The following ZBTB39 variants were observed in gnomAD, a reference collection of about 807,000 sequenced individuals.
ZBTB39 encodes the protein zinc finger and BTB domain containing 39, also known as zinc finger and BTB domain-containing protein 39.
In ZBTB39, 25 loss-of-function variants were observed where a neutral mutation model predicts 39.4. The observed-to-expected ratio is 0.63, with a 90% CI of 0.46 to 0.89. The LOEUF is 0.89. ZBTB39 is among the 40% of genes least tolerant of loss of function. ZBTB39 has a pLI of 0.00. For synonymous variants in ZBTB39, 373 were observed against 359.6 expected (o/e 1.04, Z -0.42); for missense variants, 891 against 909.7 (o/e 0.98, Z 0.26).
chr12:57,006,181 C>T (rs930015545), intron 1 of ZBTB39, among the ~76,000 whole-genome samples: 5 of 151,988 alleles, frequency 3.3e-5, no homozygotes, highest in African/African-American at 1.2e-4. Flanking sequence ...GCCTCAGTCC[C>T]TCCACAAACA....
Position 56,998,956 on chromosome 12 carries a change from A to G in ZBTB39, c.*3823T>C, listed in dbSNP as rs1283678098. On this transcript the variant is annotated 3_prime_UTR_variant, in exon 2 of 2. Coordinates refer to ENST00000300101, the MANE Select transcript of ZBTB39 (RefSeq NM_014830.3). The stretch of plus-strand genomic sequence containing the variant: ...CTATTTGGGGAAAAAAGTTTACAAA[A>G]TATACAAAACTTTACAGCAATAGAT... 1 of 152,658 alleles carries G rather than the reference A, an allele frequency of 6.6e-6. No homozygotes were observed. Among genetic ancestry groups the G allele is most frequent in the Non-Finnish European group, 1.5e-5 (1 of 68,032 alleles). 9.5% of individuals were successfully genotyped at this position (152,658 alleles called of 1,614,324 possible).
At position 57,004,792 on chromosome 12, in the gene ZBTB39, C is replaced by T. The variant is rs144703175; in HGVS notation, c.126G>A (p.Pro42=). ...CACAGGCCAGCACAGCCTTGTGGGC[C>T]GGGAAGGAGCGGCTCCCCACCACAA... ...VTIVVGSRSF[P]AHKAVLACAA... is the part of the protein sequence containing the mutation. Residue 42 remains proline, a synonymous_variant, in exon 2 of 2, where the codon CCG becomes CCA. Coordinates refer to ENST00000300101, the MANE Select transcript of ZBTB39 (RefSeq NM_014830.3). The T allele has an allele frequency of 2.0e-5, 32 of 1,614,042 alleles. No individual in the cohort carries two copies. The highest frequency in any genetic ancestry group is 4.4e-5 in the South Asian group (4 of 91,080).
Position 57,004,100 on chromosome 12 carries a change from G to A in ZBTB39, c.818C>T (p.Thr273Ile). Residue 273 changes from threonine to isoleucine, a missense_variant, in exon 2 of 2, where the codon ACC becomes ATC. Transcript: ENST00000300101. ...CTCACTATTGCTCAGACAGGAGTTG[G>A]TCCCAGTGGTAATGTCTACTGCATT... The part of the protein sequence containing the change: ...PDNAVDITTG[T>I]NSCLSNSEHS... 6.2e-7 allele frequency: 1 copy of A among 1,614,212 alleles called. No homozygotes were observed. Among genetic ancestry groups the A allele is most frequent in the Non-Finnish European group, 8.5e-7 (1 of 1,180,038 alleles).
chr12:57,005,692 G>C (rs930412810), intron 1 of ZBTB39, among the ~76,000 whole-genome samples: 1 of 152,038 alleles, frequency 6.6e-6, no homozygotes, highest in East Asian at 1.9e-4. Context: ...CACCCTTTTC[G>C]GGGTTTATAT....
Position 57,002,463 on chromosome 12 carries a change from A to T in ZBTB39, c.*316T>A. On this transcript the variant is annotated 3_prime_UTR_variant, in exon 2 of 2. Coordinates refer to ENST00000300101, the MANE Select transcript of ZBTB39 (RefSeq NM_014830.3). ...GCATAAAACCTATCAGTAAACTAAAACTAGAGAGGCTGGGGAAGGGGGTCT... is the reference window on the plus strand; with the variant it reads ...GCATAAAACCTATCAGTAAACTAAATCTAGAGAGGCTGGGGAAGGGGGTCT... The T allele has an allele frequency of 2.9e-6, 1 of 342,938 alleles. No homozygotes were observed. The highest frequency in any genetic ancestry group is 5.3e-6 in the Non-Finnish European group (1 of 186,934). 21.2% of individuals were successfully genotyped at this position (342,938 alleles called of 1,614,324 possible).
rs773653405 is a variant in ZBTB39 at position 57,004,073 on chromosome 12, T to C, written c.845A>G (p.His282Arg). 1 of 1,614,170 alleles carries C rather than the reference T, an allele frequency of 6.2e-7. No homozygotes were observed. Among genetic ancestry groups the C allele is most frequent in the Non-Finnish European group, 8.5e-7 (1 of 1,180,038 alleles). Reference protein sequence around the residue: ...GTNSCLSNSEHSKDPGFGQMD... With the variant: ...GTNSCLSNSERSKDPGFGQMD... ...CTGCCCAAAGCCAGGATCTTTGGAG[T>C]GCTCACTATTGCTCAGACAGGAGTT... The change falls in exon 2 of 2, where the codon CAC becomes CGC. Residue 282 changes from histidine to arginine, a missense_variant. Coordinates refer to ENST00000300101, the MANE Select transcript of ZBTB39 (RefSeq NM_014830.3).
chr12:57,004,155 A>C lies in ZBTB39; in HGVS notation c.763T>G (p.Phe255Val), dbSNP rs1417513383. 1 of 1,614,128 alleles carries C rather than the reference A, an allele frequency of 6.2e-7. No individual in the cohort carries two copies. Among genetic ancestry groups the C allele is most frequent in the African/African-American group, 1.3e-5 (1 of 75,014 alleles). ...QPYKVQSNGD[F>V]SKNSFLTPDN... ...GGGGTGAGGAAGCTGTTTTTACTGA[A>C]GTCTCCATTGCTTTGAACTTTGTAT... Residue 255 changes from phenylalanine to valine, a missense_variant, in exon 2 of 2, where the codon TTC becomes GTC. Coordinates refer to ENST00000300101, the MANE Select transcript of ZBTB39 (RefSeq NM_014830.3).
In ZBTB39 at chr12:57,002,887, G is replaced by C; in HGVS notation, c.2031C>G (p.Ser677Arg). Residue 677 changes from serine to arginine, a missense_variant, in exon 2 of 2, where the codon AGC becomes AGG. By Grantham distance (110) the Ser-to-Arg change is moderately radical. Transcript: ENST00000300101. Reference protein sequence around the residue: ...GHYSSTLNLMSKHVGVHKGSL... With the variant: ...GHYSSTLNLMRKHVGVHKGSL... ...TGCCTTTGTGCACACCAACATGTTTGCTCATGAGGTTAAGGGTGGAACTGT... is the reference window on the plus strand; with the variant it reads ...TGCCTTTGTGCACACCAACATGTTTCCTCATGAGGTTAAGGGTGGAACTGT... 6.2e-7 allele frequency: 1 copy of C among 1,614,204 alleles called. No homozygotes were observed. The highest frequency in any genetic ancestry group is 1.1e-5 in the South Asian group (1 of 91,086).
chr12:57,002,945 G>A lies in ZBTB39; in HGVS notation c.1973C>T (p.Ala658Val). 6.2e-7 allele frequency: 1 copy of A among 1,614,218 alleles called. No homozygotes were observed. Among genetic ancestry groups the A allele is most frequent in the Non-Finnish European group, 8.5e-7 (1 of 1,180,042 alleles). The stretch of plus-strand genomic sequence containing the variant: ...ACAGACTGTGCAGCGGTACATGAGG[G>A]CCCCCGAGTGTGTCTTTAGGTGGCA... Reference protein sequence around the residue: ...IKCHLKTHSGALMYRCTVCGH... With the variant: ...IKCHLKTHSGVLMYRCTVCGH... Residue 658 changes from alanine to valine, a missense_variant, in exon 2 of 2, where the codon GCC (alanine) becomes GTC (valine). By Grantham distance (64) the Ala-to-Val change is moderately conservative. Transcript: ENST00000300101.
chr12:57,004,568 G>A lies in ZBTB39; in HGVS notation c.350C>T (p.Ala117Val). ...CAGATCAGGAAAGGTAGAGTGACAG[G>A]CCTGGAGGAGGTCCTCCATACCCAG... ...ERLGMEDLLQACHSTFPDLES... is the reference protein window; with the variant it reads ...ERLGMEDLLQVCHSTFPDLES... Residue 117 changes from alanine to valine, a missense_variant, in exon 2 of 2, where the codon GCC becomes GTC. Coordinates refer to ENST00000300101, the MANE Select transcript of ZBTB39 (RefSeq NM_014830.3). 6.2e-7 allele frequency: 1 copy of A among 1,614,200 alleles called. No individual in the cohort carries two copies. Among genetic ancestry groups the A allele is most frequent in the Non-Finnish European group, 8.5e-7 (1 of 1,180,038 alleles).
chr12:57,003,498 G>A lies in ZBTB39; in HGVS notation c.1420C>T (p.His474Tyr), dbSNP rs1411255893. ...CAGGCCTGGCCCTTCAAGTTTAGATGGTCAAGGATGTGGCCCCGGACCACA... is the reference window on the plus strand; with the variant it reads ...CAGGCCTGGCCCTTCAAGTTTAGATAGTCAAGGATGTGGCCCCGGACCACA... ...FHVVRGHILD[H>Y]LNLKGQACSV... Residue 474 changes from histidine to tyrosine, a missense_variant, in exon 2 of 2, where the codon CAT (histidine) becomes TAT (tyrosine). Transcript: ENST00000300101. The surrounding 1 kb of genome is among the most constrained non-coding windows in gnomAD (Gnocchi z 4.8). 1.2e-6 allele frequency: 2 copies of A among 1,613,696 alleles called. No homozygotes were observed. The highest frequency in any genetic ancestry group is 8.5e-7 in the Non-Finnish European group (1 of 1,179,698).
chr12:57,002,714 C>T lies in ZBTB39; in HGVS notation c.*65G>A. On this transcript the variant is annotated 3_prime_UTR_variant, in exon 2 of 2. Transcript: ENST00000300101. ...ATAACTTCAGCTGGGGAGGGACCAA[C>T]ACCTCTTAGATATCAGCATCCTGGC... 1.3e-6 allele frequency: 2 copies of T among 1,488,736 alleles called. No homozygotes were observed. The highest frequency in any genetic ancestry group is 1.8e-6 in the Non-Finnish European group (2 of 1,084,470). The allele number at this position is 1,488,736 out of a possible 1,614,324, so 92.2% of individuals were successfully genotyped here. A position where few individuals can be genotyped will look rare whatever the true frequency, so the allele number is the denominator to read the frequency against.
rs772649676 is a variant in ZBTB39, at chr12:57,004,204, C to G, written c.714G>C (p.Gln238His). The G allele has an allele frequency of 9.9e-6, 16 of 1,614,052 alleles. No individual in the cohort carries two copies. The East Asian group carries it at 3.6e-4, about 36-fold the overall frequency. The change falls in exon 2 of 2, where the codon CAG becomes CAC. Residue 238 changes from glutamine (Q) to histidine (H), a missense_variant. By Grantham distance (24) the Gln-to-His change is conservative (BLOSUM62 0). Transcript: ENST00000300101. ...ATGGCTGGCAGGAGCTCGTGCTGGT[C>G]TGGATGCCCGTGCTGACAGTGCCTA... ...PLLGTVSTGI[Q>H]TSTSSCQPYK...
At chr12:57,005,320 T>C (rs967152410) in intron 1 of ZBTB39, among the ~76,000 whole-genome samples, 2 of 152,234 alleles carry the variant, frequency 1.3e-5, no homozygotes, top group African/African-American at 2.4e-5. Flanking sequence ...TCCTAATTCA[T>C]TGAGCATATT....
chr12:57,004,444 T>C lies in ZBTB39; in HGVS notation c.474A>G (p.Glu158=). 1 of 1,613,898 alleles carries C rather than the reference T, an allele frequency of 6.2e-7. No homozygotes were observed. Among genetic ancestry groups the C allele is most frequent in the Non-Finnish European group, 8.5e-7 (1 of 1,179,986 alleles). The change falls in exon 2 of 2, where the codon GAA becomes GAG. Residue 158 remains glutamate (E), a synonymous_variant. Coordinates refer to ENST00000300101, the MANE Select transcript of ZBTB39 (RefSeq NM_014830.3). ...PSAEPAHPLG[E]LRGGGDYLGA... The stretch of plus-strand genomic sequence containing the variant: ...CAAGGTAGTCCCCACCACCTCGGAG[T>C]TCTCCAAGGGGATGGGCAGGTTCTG...
chr12:57,002,704 G>A lies in ZBTB39; in HGVS notation c.*75C>T. 7.1e-7 allele frequency: 1 copy of A among 1,404,932 alleles called. No individual in the cohort carries two copies. Among genetic ancestry groups the A allele is most frequent in the Middle Eastern group, 2.1e-4 (1 of 4,758 alleles). 87.0% of individuals were successfully genotyped at this position (1,404,932 alleles called of 1,614,324 possible). On this transcript the variant is annotated 3_prime_UTR_variant, in exon 2 of 2. Coordinates refer to ENST00000300101, the MANE Select transcript of ZBTB39 (RefSeq NM_014830.3). ...AGGCAAAATTATAACTTCAGCTGGG[G>A]AGGGACCAACACCTCTTAGATATCA...
rs141597750 is a variant in ZBTB39, at chr12:57,003,843, T to G, written c.1075A>C (p.Ile359Leu). 2.6e-3 allele frequency: 4,125 copies of G among 1,614,178 alleles called. 11 individuals carry two copies. Among genetic ancestry groups the G allele is most frequent in the Non-Finnish European group, 3.2e-3 (3,795 of 1,180,030 alleles). ...ACATGGTCCCGAGCATGCTGCCGGA[T>G]CAGTTGAATGTTGGGCTCTAGAACT... is the stretch of plus-strand genomic sequence containing the variant. Reference protein sequence around the residue: ...KKVLEPNIQLIRQHARDHVDL... With the variant: ...KKVLEPNIQLLRQHARDHVDL... The change falls in exon 2 of 2, where the codon ATC becomes CTC. Residue 359 changes from isoleucine (I) to leucine (L), a missense_variant. Ile to Leu is a conservative substitution (Grantham distance 5). Coordinates refer to ENST00000300101, the MANE Select transcript of ZBTB39 (RefSeq NM_014830.3). This position sits in a 1 kb window ranked among gnomAD's most constrained non-coding sequence, Gnocchi z 4.8.
Position 57,002,920 on chromosome 12 carries a change from A to C in ZBTB39, c.1998T>G (p.Cys666Trp). 6.2e-7 allele frequency: 1 copy of C among 1,614,250 alleles called. No homozygotes were observed. The highest frequency in any genetic ancestry group is 8.5e-7 in the Non-Finnish European group (1 of 1,180,048). ...SGALMYRCTV[C>W]GHYSSTLNLM... ...GGTTAAGGGTGGAACTGTAGTGCCC[A>C]CAGACTGTGCAGCGGTACATGAGGG... Residue 666 changes from cysteine to tryptophan, a missense_variant, in exon 2 of 2, where the codon TGT (cysteine) becomes TGG (tryptophan). Coordinates refer to ENST00000300101, the MANE Select transcript of ZBTB39 (RefSeq NM_014830.3).
chr12:57,003,712 G>A lies in ZBTB39; in HGVS notation c.1206C>T (p.Cys402=), dbSNP rs779553190. The A allele has an allele frequency of 2.7e-5, 43 of 1,614,046 alleles. No homozygotes were observed. The highest frequency in any genetic ancestry group is 1.6e-4 in the Middle Eastern group (1 of 6,084). The part of the protein sequence containing the change: ...LSHIGIFLFS[C]DMCETKFFTQ... ...TAAAGAACTTAGTTTCACACATGTC[G>A]CAGGAGAAAAGGAAAATACCAATGT... The change falls in exon 2 of 2, where the codon TGC becomes TGT. Residue 402 remains cysteine, a synonymous_variant. Transcript: ENST00000300101. This position sits in a 1 kb window ranked among gnomAD's most constrained non-coding sequence, Gnocchi z 4.8.
Sources: gnomAD v4.1 joint callset for allele counts (sites outside exome capture counted in the v4.1 genomes callset) on GRCh38, gnomAD v4.1.1 for gene constraint, Gnocchi (gnomAD v3.1) non-coding constraint, MANE v1.5 for transcripts, NCBI Gene and HGNC (gene_info 2026-07-23, HGNC 2026-07-21) for gene names.